The following RAB6A variants were observed in gnomAD, a reference collection of about 807,000 sequenced individuals.
The protein encoded by RAB6A is ras-related protein Rab-6A.
A neutral mutation model predicts 32.3 loss-of-function variants in RAB6A; 8 were observed. The observed-to-expected ratio is 0.25, with a 90% confidence interval of 0.15 to 0.45. The LOEUF (loss-of-function observed/expected upper bound fraction) is 0.45, where lower values mean the gene tolerates loss of function less well. Ranked by LOEUF, RAB6A falls within the 20% of genes least tolerant of loss-of-function variation. RAB6A has a pLI of 1.00. For synonymous variants in RAB6A, 73 were observed against 82.1 expected (o/e 0.89, Z 0.60); for missense variants, 104 against 249.4 (o/e 0.42, Z 3.93).
chr11:73,739,341 T>TA (rs1197389283), intron 1 of RAB6A, among the ~76,000 whole-genome samples: 4 of 92,150 alleles, frequency 4.3e-5, no homozygotes, highest in Non-Finnish European at 8.6e-5. Context: ...AAAAGTAAAC[T>TA]AAAAAATTTT....
At chr11:73,687,223 G>C (rs1370923245) in intron 6 of RAB6A, among the ~76,000 whole-genome samples, 2 of 152,224 alleles carry the variant, frequency 1.3e-5, no homozygotes, top group East Asian at 3.9e-4. Context: ...ATGGCTGGGG[G>C]AAGGGGGAAA....
intron 6 of RAB6A, among the ~76,000 whole-genome samples, chr11:73,694,007 C>A (rs1017154930): frequency 6.6e-6 from 1 of 152,182 alleles, no homozygotes; most frequent in Non-Finnish European, 1.5e-5. Context: ...TCCCTCTAGA[C>A]TAGTGGTTCT....
chr11:73,721,053 C>A (rs1946127204), intron 2 of RAB6A, among the ~76,000 whole-genome samples, 154 bp from the exon 3 acceptor site: 1 of 152,172 alleles, frequency 6.6e-6, no homozygotes, highest in East Asian at 1.9e-4. Flanking sequence ...AACAAAATTT[C>A]CAGTGATAAT....
chr11:73,749,222 G>A (rs1215223511), intron 1 of RAB6A, among the ~76,000 whole-genome samples: 1 of 152,134 alleles, frequency 6.6e-6, no homozygotes, highest in Non-Finnish European at 1.5e-5. Context: ...CAACTTGGAC[G>A]GAGTTGGAGA....
intron 1 of RAB6A, among the ~76,000 whole-genome samples, chr11:73,757,135 T>TATAA (rs1946773427): frequency 1.4e-5 from 1 of 72,548 alleles, no homozygotes; most frequent in Non-Finnish European, 2.7e-5. Flanking sequence ...ATATATTTTT[T>TATAA]TTTTTTTTTT....
intron 1 of RAB6A, among the ~76,000 whole-genome samples, chr11:73,757,129 ATTT>A (rs869261713): frequency 1.7e-3 from 50 of 30,146 alleles, no homozygotes; most frequent in Admixed American, 1.9e-3. Context: ...ATATATATAT[ATTT>A]TTTTTTTTTT....
chr11:73,677,744 T>C lies in RAB6A; in HGVS notation c.*154A>G, dbSNP rs138418818. The stretch of plus-strand genomic sequence containing the variant: ...ACTTTTGTTGTGCTTGTGAAGCTAA[T>C]AGATCATCTCCACGAGACAGGCAGC... On this transcript the variant is annotated 3_prime_UTR_variant, in exon 8 of 8. Transcript: ENST00000336083. 4.2e-3 allele frequency: 6,310 copies of C among 1,494,132 alleles called. 247 individuals are homozygous for C. The African/African-American group carries it at 0.08, about 19-fold the overall frequency. The allele number at this position is 1,494,132 out of a possible 1,614,324, so 92.6% of individuals were successfully genotyped here.
intron 2 of RAB6A, among the ~76,000 whole-genome samples, chr11:73,725,897 A>T (rs1430186247): frequency 6.6e-6 from 1 of 152,228 alleles, no homozygotes; most frequent in Non-Finnish European, 1.5e-5. Flanking sequence ...TCATGCCAAT[A>T]ATCCCAGCAC....
intron 1 of RAB6A, among the ~76,000 whole-genome samples, chr11:73,740,522 T>C (rs2140893): frequency 0.48 from 73,418 of 151,894 alleles, 19,097 homozygotes; most frequent in East Asian, 0.6. Context: ...AGTTTAAAAA[T>C]CTAGTAGCCT....
intron 6 of RAB6A, among the ~76,000 whole-genome samples, chr11:73,706,211 C>CAATTA (rs1335715157): frequency 6.6e-6 from 1 of 152,126 alleles, no homozygotes; most frequent in Non-Finnish European, 1.5e-5. Context: ...TGATCACCCT[C>CAATTA]AATTAAGAAA....
chr11:73,714,209 A>AAAAATATATATATAT (rs35864471), intron 5 of RAB6A, among the ~76,000 whole-genome samples: 1 of 57,576 alleles, frequency 1.7e-5, no homozygotes, highest in Non-Finnish European at 3.4e-5. Flanking sequence ...AAAAAAAAAA[A>AAAAATATATATATAT]ATATATATAT....
chr11:73,712,997 G>C (rs1471763893), intron 5 of RAB6A, among the ~76,000 whole-genome samples: 6 of 152,130 alleles, frequency 3.9e-5, no homozygotes. Context: ...GGAGGTGTGA[G>C]CCACCACGCT....
rs1470111893 is a variant in RAB6A at position 73,727,405 on chromosome 11, G to A, written c.129+3360C>T. Among the ~76,000 whole-genome samples the A allele has an allele frequency of 4.7e-5, 7 of 147,882 alleles. No homozygotes were observed. The East Asian group carries it at 5.9e-4, about 13-fold the overall frequency. ...CATGCCACTGCACTCCAGCCTGGGC[G>A]ACAAAGCAATACTCTATCTCTTGGA... is the stretch of plus-strand genomic sequence containing the variant. On this transcript the variant is annotated intron_variant, in intron 2 of 7. Coordinates refer to ENST00000336083, the MANE Select transcript of RAB6A (RefSeq NM_198896.2).
chr11:73,733,961 C>A lies in RAB6A; in HGVS notation c.71-3138G>T, dbSNP rs916040721. 6.6e-5 allele frequency among the ~76,000 whole-genome samples: 10 copies of A among 152,142 alleles called. No homozygotes were observed. In the East Asian group the frequency reaches 1.9e-3, roughly 29 times the overall value. ...ATACTTTAAAATAAAATCTTTTTCT[C>A]AAAGAGTAAAACACTTTACTATATA... On this transcript the variant is annotated intron_variant, in intron 1 of 7. Transcript: ENST00000336083.
chr11:73,734,128 G>C (rs1186437048), intron 1 of RAB6A, among the ~76,000 whole-genome samples: 1 of 151,968 alleles, frequency 6.6e-6, no homozygotes, highest in Non-Finnish European at 1.5e-5. Context: ...AGTTTATCAA[G>C]TTTTTGTTTG....
intron 1 of RAB6A, among the ~76,000 whole-genome samples, chr11:73,755,892 AGAG>A (rs1013352518): frequency 2.6e-4 from 40 of 151,212 alleles, no homozygotes; most frequent in African/African-American, 6.3e-4. Context: ...AGGAGAAGGA[AGAG>A]GAGGAGGAAG....
chr11:73,735,325 A>G (rs751869355), intron 1 of RAB6A, among the ~76,000 whole-genome samples: 40 of 152,228 alleles, frequency 2.6e-4, no homozygotes, highest in Non-Finnish European at 5.4e-4. Context: ...CAAATATAAT[A>G]GAAAAATGAT....
In RAB6A at chr11:73,716,634, G is replaced by GA. The variant is rs111584036; in HGVS notation, c.290-273dup. ...AATGAGTACAATGTAGTATTTAATT[G>GA]AAAAAAAAACAACTTTTTGAAATAT... On this transcript the variant is annotated intron_variant, in intron 4 of 7. Coordinates refer to ENST00000336083, the MANE Select transcript of RAB6A (RefSeq NM_198896.2). 2.7e-3 allele frequency among the ~76,000 whole-genome samples: 398 copies of GA among 148,678 alleles called. 3 individuals are homozygous for GA. Among genetic ancestry groups the GA allele is most frequent in the Middle Eastern group, 6.9e-3 (2 of 290 alleles).
chr11:73,678,109 G>A, intron 7 of RAB6A, 147 bp from the exon 8 acceptor site: 1 of 807,976 alleles, frequency 1.2e-6, no homozygotes, highest in Non-Finnish European at 2.0e-6. Context: ...CACCATATAA[G>A]GTGCTCAAAT....
Sources: gnomAD v4.1 joint callset for allele counts (sites outside exome capture counted in the v4.1 genomes callset) on GRCh38, gnomAD v4.1.1 for gene constraint, MANE v1.5 for transcripts, NCBI Gene and HGNC (gene_info 2026-07-23, HGNC 2026-07-21) for gene names.